The following DNAH7 variants were observed in gnomAD, a reference collection of about 807,000 sequenced individuals.
DNAH7 encodes dynein axonemal heavy chain 7.
A neutral mutation model predicts 444.6 loss-of-function variants in DNAH7; 397 were observed. The ratio of observed to expected loss-of-function variants is 0.89; its 90% CI spans 0.82 to 0.97. DNAH7 has a LOEUF of 0.97. DNAH7 is among the 50% of genes least tolerant of loss of function. DNAH7 has a pLI of 0.00. For synonymous variants in DNAH7, 1,636 were observed against 1,624.4 expected, an observed-to-expected ratio of 1.01 and a Z score of -0.17; for missense variants, 4,902 against 4,800.8, an observed-to-expected ratio of 1.02 and a Z score of -0.62.
intron 57 of DNAH7, among the ~76,000 whole-genome samples, chr2:195,792,083 T>C (rs1360977546): frequency 2.0e-5 from 3 of 150,512 alleles, no homozygotes; most frequent in Non-Finnish European, 4.4e-5. Flanking sequence ...GGGATAATCG[T>C]TTGAGCCCAA....
intron 41 of DNAH7, 62 bp downstream of exon 41, chr2:195,864,087 G>C (rs909435640): frequency 7.2e-6 from 11 of 1,534,770 alleles, no homozygotes; most frequent in Admixed American, 3.7e-5. Flanking sequence ...TATAAAATAA[G>C]TCATGATGAT....
chr2:195,886,217 T>G lies in DNAH7; in HGVS notation c.5462A>C (p.Asp1821Ala). ...ATCAGCAAAATCATCCATAAAACAG[T>G]CTATTAGATTCATTAAGGACCGGAC... is the stretch of plus-strand genomic sequence containing the variant. ...NLVRSLMNLI[D>A]CFMDDFADEV... is the part of the protein sequence containing the mutation. Residue 1821 changes from aspartate (D) to alanine (A), a missense_variant, in exon 34 of 65, where the codon GAC becomes GCC. Physicochemically the swap from Asp to Ala is moderately radical, Grantham distance 126 (BLOSUM62 -2). Transcript: ENST00000312428. 3 of 1,613,838 alleles carry G rather than the reference T, an allele frequency of 1.9e-6. No individual in the cohort carries two copies. The highest frequency in any genetic ancestry group is 2.5e-6 in the Non-Finnish European group (3 of 1,179,882).
chr2:195,794,367 G>T lies in DNAH7; in HGVS notation c.10687C>A (p.Pro3563Thr). ...TTTTTGCAGCTGCCAAAGAACTCCG[G>T]ATCAGAGATCGGGTCCATGAGGTAT... ...RSYLMDPISDPEFFGSCKKPE... is the reference protein window; with the variant it reads ...RSYLMDPISDTEFFGSCKKPE... Residue 3563 changes from proline to threonine, a missense_variant, in exon 57 of 65, where the codon CCG (proline) becomes ACG (threonine). Pro to Thr is a conservative substitution (Grantham distance 38, BLOSUM62 -1). Coordinates refer to ENST00000312428, the MANE Select transcript of DNAH7 (RefSeq NM_018897.3). The T allele has an allele frequency of 1.9e-6, 3 of 1,614,116 alleles. No homozygotes were observed. Among genetic ancestry groups the T allele is most frequent in the African/African-American group, 1.3e-5 (1 of 75,032 alleles).
intron 14 of DNAH7, among the ~76,000 whole-genome samples, chr2:195,986,181 G>A (rs1692894835): frequency 6.6e-6 from 1 of 152,140 alleles, no homozygotes; most frequent in East Asian, 1.9e-4. Context: ...TGTCCTCTCT[G>A]TTCTACCTTG....
At chr2:195,771,563 AGT>A in intron 61 of DNAH7, 95 bp downstream of exon 61, 1 of 889,684 alleles carries the variant, frequency 1.1e-6, no homozygotes, top group Non-Finnish European at 1.8e-6. Context: ...AACCCAAAAC[AGT>A]GCTTATACAG....
chr2:195,880,291 C>T lies in DNAH7; in HGVS notation c.5961+1504G>A, dbSNP rs370677186. ...AGCAAAGATAAGAACAAAGACTTAG[C>T]TATAAAAACGTTCATTGCAATCTTC... is the stretch of plus-strand genomic sequence containing the variant. On this transcript the variant is annotated intron_variant, in intron 36 of 64. Coordinates refer to ENST00000312428, the MANE Select transcript of DNAH7 (RefSeq NM_018897.3). Among the ~76,000 whole-genome samples the T allele has an allele frequency of 3.3e-5, 5 of 151,426 alleles. 1 individual carries two copies. Among genetic ancestry groups the T allele is most frequent in the Admixed American group, 6.6e-5 (1 of 15,208 alleles).
chr2:196,022,757 G>A (rs575540035), intron 8 of DNAH7, among the ~76,000 whole-genome samples: 1 of 152,242 alleles, frequency 6.6e-6, no homozygotes, highest in Non-Finnish European at 1.5e-5. Context: ...TTACCACCTT[G>A]TATGAATCAC....
chr2:195,740,609 G>A (rs992337505), intron 64 of DNAH7, among the ~76,000 whole-genome samples, 157 bp downstream of exon 64: 1,733 of 56,554 alleles, frequency 0.031, 34 homozygotes, highest in African/African-American at 0.083. Flanking sequence ...GTGTGTGTGT[G>A]TGTGTGTATA....
chr2:195,912,276 G>GC (rs1273517698), intron 24 of DNAH7, among the ~76,000 whole-genome samples: 1 of 152,104 alleles, frequency 6.6e-6, no homozygotes, highest in East Asian at 1.9e-4. Context: ...CACACCATCT[G>GC]CCCCTTGGAT....
At chr2:196,038,146 T>C (rs966855096) in intron 5 of DNAH7, among the ~76,000 whole-genome samples, 1 of 151,614 alleles carries the variant, frequency 6.6e-6, no homozygotes, top group Non-Finnish European at 1.5e-5. Context: ...CAATCAAGAA[T>C]ACTATACTTA....
In DNAH7 at chr2:195,853,386, C is replaced by T. The variant is rs1203000404; in HGVS notation, c.8738G>A (p.Gly2913Glu). 2 of 1,613,918 alleles carry T rather than the reference C, an allele frequency of 1.2e-6. No individual in the cohort carries two copies. Among genetic ancestry groups the T allele is most frequent in the Admixed American group, 3.3e-5 (2 of 59,988 alleles). ...NLTGDILISS[G>E]VVAYLGAFTS... ...GAAGGCTCCGAGGTAAGCAACCACT[C>T]CGGAGGAAATGAGGATATCCCCAGT... The change falls in exon 46 of 65, where the codon GGA (glycine) becomes GAA (glutamate). Residue 2913 changes from glycine to glutamate, a missense_variant. Transcript: ENST00000312428.
intron 46 of DNAH7, among the ~76,000 whole-genome samples, chr2:195,850,285 GA>G (rs752727865): frequency 6.8e-4 from 94 of 137,594 alleles, no homozygotes; most frequent in East Asian, 1.1e-3. Context: ...ATAAGGTCAT[GA>G]AAAAAAAAAA....
intron 52 of DNAH7, among the ~76,000 whole-genome samples, chr2:195,809,278 C>T (rs1574474240): frequency 6.6e-6 from 1 of 152,138 alleles, no homozygotes; most frequent in Non-Finnish European, 1.5e-5. Context: ...GTTACTGATA[C>T]ACAACTTTTG....
rs75015769 is a variant in DNAH7 at position 195,979,572 on chromosome 2, G to A, written c.1833+5060C>T. ...CTGATTTAAATAATTCTAAAAGCAA[G>A]TGCAAATCAAACCCAAAATTAGTCT... On this transcript the variant is annotated intron_variant, in intron 15 of 64. Coordinates refer to ENST00000312428, the MANE Select transcript of DNAH7 (RefSeq NM_018897.3). Among the ~76,000 whole-genome samples the A allele has an allele frequency of 0.019, 2,917 of 152,040 alleles. 234 individuals are homozygous for A. The East Asian group carries it at 0.26, about 14-fold the overall frequency.
chr2:195,913,742 T>A (rs1001833996), intron 24 of DNAH7, among the ~76,000 whole-genome samples: 1 of 152,160 alleles, frequency 6.6e-6, no homozygotes, highest in Non-Finnish European at 1.5e-5. Flanking sequence ...TGAGACGGAG[T>A]CTCGCTCTGT....
chr2:195,821,157 G>A (rs1024621082), intron 49 of DNAH7, among the ~76,000 whole-genome samples: 5 of 144,988 alleles, frequency 3.4e-5, no homozygotes, highest in African/African-American at 1.1e-4. Flanking sequence ...CTGGTGGGAA[G>A]GTTAAAAAAA....
intron 5 of DNAH7, among the ~76,000 whole-genome samples, chr2:196,032,478 G>T (rs565238685): frequency 2.0e-5 from 3 of 152,154 alleles, no homozygotes; most frequent in Non-Finnish European, 4.4e-5. Context: ...GAGTAGGAAG[G>T]CTGAAAACCA....
At chr2:196,044,203 A>ATG (rs367981308) in intron 5 of DNAH7, among the ~76,000 whole-genome samples, 12,215 of 146,978 alleles carry the variant, frequency 0.083, 778 homozygotes, top group African/African-American at 0.17. Flanking sequence ...ATATATATAT[A>ATG]TGTGTGTGTG....
At chr2:195,982,669 A>G (rs1692652396) in intron 15 of DNAH7, among the ~76,000 whole-genome samples, 1 of 152,236 alleles carries the variant, frequency 6.6e-6, no homozygotes, top group Non-Finnish European at 1.5e-5. Flanking sequence ...TTCTGTCATT[A>G]GCAATAACAT....
Sources: allele counts gnomAD v4.1 joint callset (sites outside exome capture counted in the v4.1 genomes callset), GRCh38; gene constraint gnomAD v4.1.1; transcripts MANE v1.5; gene names NCBI Gene and HGNC (gene_info 2026-07-23, HGNC 2026-07-21).